HECTD2: variants seen among roughly 807,000 people sequenced by gnomAD.
HECTD2 encodes the protein HECT domain E3 ubiquitin protein ligase 2.
Under a neutral mutation model 103.2 loss-of-function variants are expected in HECTD2, and 35 were observed. The observed-to-expected ratio is 0.34, with a 90% CI of 0.26 to 0.45. HECTD2 has a LOEUF of 0.45. Among genes scored for constraint, HECTD2 ranks in the 20% least tolerant of loss-of-function variants. HECTD2 has a pLI of 1.00. For missense variants in HECTD2, 596 were observed against 937.4 expected (o/e 0.64, Z 4.76); for synonymous variants, 281 against 329.9 (o/e 0.85, Z 1.61).
intron 6 of HECTD2, among the ~76,000 whole-genome samples, chr10:91,480,852 C>T (rs922932304): frequency 1.3e-5 from 2 of 151,938 alleles, no homozygotes; most frequent in African/African-American, 4.8e-5. Flanking sequence ...ATCATATTTA[C>T]CTCACAAAAT....
chr10:91,464,822 C>A (rs572134470), intron 5 of HECTD2: 1 of 152,410 alleles, frequency 6.6e-6, no homozygotes, highest in Admixed American at 6.5e-5. Context: ...CCAGCATGGA[C>A]CAGTCCTCTC....
chr10:91,479,702 T>TAA (rs1846025596), intron 6 of HECTD2, among the ~76,000 whole-genome samples: 1 of 152,204 alleles, frequency 6.6e-6, no homozygotes, highest in Non-Finnish European at 1.5e-5. Flanking sequence ...ATATAATTAC[T>TAA]GCATCAGAGT....
chr10:91,456,349 A>G (rs931930864), intron 2 of HECTD2, among the ~76,000 whole-genome samples: 9 of 151,994 alleles, frequency 5.9e-5, no homozygotes, highest in Non-Finnish European at 1.3e-4. Context: ...TGTGAATGGG[A>G]GTTCACTCAT....
At chr10:91,454,788 C>CT (rs1845001591) in intron 2 of HECTD2, among the ~76,000 whole-genome samples, 1 of 150,742 alleles carries the variant, frequency 6.6e-6, no homozygotes, top group Non-Finnish European at 1.5e-5. Flanking sequence ...TCTCATTGTT[C>CT]AATTTCCACC....
intron 1 of HECTD2, among the ~76,000 whole-genome samples, chr10:91,418,041 T>C (rs1246485122): frequency 6.6e-6 from 1 of 152,172 alleles, no homozygotes; most frequent in Admixed American, 6.5e-5. Flanking sequence ...TTTCCTGACT[T>C]TTTAATGATC....
rs754347759 is a variant in HECTD2 at position 91,410,541 on chromosome 10, C to A, written c.103C>A (p.Pro35Thr). 16 of 1,464,484 alleles carry A rather than the reference C, an allele frequency of 1.1e-5. No homozygotes were observed. Among genetic ancestry groups the A allele is most frequent in the Admixed American group, 2.2e-5 (1 of 44,454 alleles). The allele number at this position is 1,464,484 out of a possible 1,614,324, so 90.7% of individuals were successfully genotyped here. A position where few individuals can be genotyped will look rare whatever the true frequency, so the allele number is the denominator to read the frequency against. Residue 35 changes from proline (P) to threonine (T), a missense_variant, in exon 1 of 21, where the codon CCG becomes ACG. Around this residue, in one of 4 missense-constraint regions of HECTD2, gnomAD observed 220 missense variants for 233.9 expected, o/e 0.94. Transcript: ENST00000298068. ...KGKESEREKL[P>T]PIVSAGAGAT... is the part of the protein sequence containing the mutation. ...GAAGGAGTCAGAGCGCGAGAAGCTGCCGCCCATCGTATCGGCGGGCGCCGG... is the reference window on the plus strand; with the variant it reads ...GAAGGAGTCAGAGCGCGAGAAGCTGACGCCCATCGTATCGGCGGGCGCCGG...
chr10:91,413,087 T>C (rs768934054), intron 1 of HECTD2, among the ~76,000 whole-genome samples: 2 of 152,174 alleles, frequency 1.3e-5, no homozygotes, highest in Non-Finnish European at 2.9e-5. Flanking sequence ...TATGACTCAA[T>C]TCGTGACCCT....
At chr10:91,438,540 ATG>A (rs1491090725) in intron 2 of HECTD2, among the ~76,000 whole-genome samples, 3 of 105,198 alleles carry the variant, frequency 2.9e-5, no homozygotes, top group African/African-American at 1.3e-4. Flanking sequence ...TGTAATAAAC[ATG>A]TGTGTGTGTC....
intron 4 of HECTD2, 82 bp downstream of exon 4, chr10:91,461,438 C>A: frequency 1.5e-6 from 1 of 659,898 alleles, no homozygotes; most frequent in Non-Finnish European, 2.6e-6. Context: ...CATTTTCTAC[C>A]CAATATTGAT....
At chr10:91,471,703 A>T (rs993858216) in intron 5 of HECTD2, among the ~76,000 whole-genome samples, 12 of 152,166 alleles carry the variant, frequency 7.9e-5, no homozygotes, top group Admixed American at 7.9e-4. Flanking sequence ...ACGCAATTCC[A>T]CTCACAATAG....
chr10:91,468,953 A>AC (rs1845627972), intron 5 of HECTD2, among the ~76,000 whole-genome samples: 1 of 151,718 alleles, frequency 6.6e-6, no homozygotes, highest in Non-Finnish European at 1.5e-5. Flanking sequence ...AAAAAAAAAA[A>AC]AAAACAAGAG....
rs1379744750 is a variant in HECTD2, at chr10:91,514,174, G to A, written c.*1790G>A. 2.0e-5 allele frequency: 3 copies of A among 152,576 alleles called. No homozygotes were observed. The highest frequency in any genetic ancestry group is 2.9e-5 in the Non-Finnish European group (2 of 68,016). The allele number at this position is 152,576 out of a possible 1,614,324, so 9.5% of individuals were successfully genotyped here. On this transcript the variant is annotated 3_prime_UTR_variant, in exon 21 of 21. Transcript: ENST00000298068. ...CAGATTTAAGTGTTTTAAATAAAATGTAAACAGTTTTTATTTGGTAGAGAT... is the reference window on the plus strand; with the variant it reads ...CAGATTTAAGTGTTTTAAATAAAATATAAACAGTTTTTATTTGGTAGAGAT...
At chr10:91,473,565 C>G (rs1845803024) in intron 5 of HECTD2, among the ~76,000 whole-genome samples, 1 of 152,162 alleles carries the variant, frequency 6.6e-6, no homozygotes, top group Non-Finnish European at 1.5e-5. Flanking sequence ...CATGAGTTCA[C>G]TCACACACAG....
At chr10:91,473,882 C>T (rs1845815261) in intron 5 of HECTD2, among the ~76,000 whole-genome samples, 1 of 152,080 alleles carries the variant, frequency 6.6e-6, no homozygotes, top group Non-Finnish European at 1.5e-5. Flanking sequence ...AAAAGTTATA[C>T]ATGGATTTTT....
Position 91,514,035 on chromosome 10 carries a change from T to A in HECTD2, c.*1651T>A, listed in dbSNP as rs11186596. 2 of 152,558 alleles carry A rather than the reference T, an allele frequency of 1.3e-5. No individual in the cohort carries two copies. The highest frequency in any genetic ancestry group is 2.1e-4 in the South Asian group (1 of 4,830). The allele number at this position is 152,558 out of a possible 1,614,324, so 9.5% of individuals were successfully genotyped here. A position where few individuals can be genotyped will look rare whatever the true frequency, so the allele number is the denominator to read the frequency against. On this transcript the variant is annotated 3_prime_UTR_variant, in exon 21 of 21. Transcript: ENST00000298068. Reference sequence around the variant, plus strand: ...CCTGGTTTTGTTTCATTTTGCTCTGTTTTAAATCCATATGCAAATAAAACT... The same window carrying A: ...CCTGGTTTTGTTTCATTTTGCTCTGATTTAAATCCATATGCAAATAAAACT...
Position 91,425,315 on chromosome 10 carries a change from C to CT in HECTD2, c.176dup (p.Ser60GlnfsTer8). 6.5e-7 allele frequency: 1 copy of CT among 1,542,248 alleles called. No homozygotes were observed. Among genetic ancestry groups the CT allele is most frequent in the Non-Finnish European group, 8.8e-7 (1 of 1,137,900 alleles). On this transcript the variant is annotated frameshift_variant, in exon 2 of 21. Coordinates refer to ENST00000298068, the MANE Select transcript of HECTD2 (RefSeq NM_182765.6). LOFTEE classifies it high-confidence loss of function. ...AGAGGAGCCAAAGGCCAAATTTCCA[C>CT]TTTCAGCAGTTTTATTTCAGCTGTT...
chr10:91,477,075 G>T (rs986294300), intron 5 of HECTD2, among the ~76,000 whole-genome samples: 1 of 152,094 alleles, frequency 6.6e-6, no homozygotes, highest in Non-Finnish European at 1.5e-5. Flanking sequence ...CAGCTACTCG[G>T]GAGGCTGAGG....
At chr10:91,413,592 A>G (rs1163375864) in intron 1 of HECTD2, among the ~76,000 whole-genome samples, 2 of 152,236 alleles carry the variant, frequency 1.3e-5, no homozygotes, top group East Asian at 3.8e-4. Context: ...TGGGTATACC[A>G]AGATTGAAAC....
At chr10:91,416,326 GCA>G (rs1207289101) in intron 1 of HECTD2, among the ~76,000 whole-genome samples, 16 of 152,268 alleles carry the variant, frequency 1.1e-4, no homozygotes, top group Admixed American at 9.8e-4. Context: ...CTTGTACAAA[GCA>G]CTCAGTGTTA....
Sources: allele counts gnomAD v4.1 joint callset (sites outside exome capture counted in the v4.1 genomes callset), GRCh38; gene constraint gnomAD v4.1.1; regional missense constraint gnomAD v4.1.1; transcripts MANE v1.5; gene names NCBI Gene and HGNC (gene_info 2026-07-23, HGNC 2026-07-21).